The following PALM2AKAP2 variants were observed in gnomAD, a reference collection of about 807,000 sequenced individuals.
The protein encoded by PALM2AKAP2 is PALM2 and AKAP2 fusion.
PALM2AKAP2 carries 37 observed loss-of-function variants against 71.5 expected under a neutral mutation model. That is an observed-to-expected ratio of 0.52 (90% CI 0.40 to 0.68). The LOEUF (loss-of-function observed/expected upper bound fraction) is 0.68, where lower values mean the gene tolerates loss of function less well. Among genes scored for constraint, PALM2AKAP2 ranks in the 30% least tolerant of loss-of-function variants. The pLI is 0.00. For synonymous variants in PALM2AKAP2, 468 were observed against 478.8 expected, an observed-to-expected ratio of 0.98 and a Z score of 0.29; for missense variants, 1,224 against 1,191.8, an observed-to-expected ratio of 1.03 and a Z score of -0.40.
rs1390651424 is a variant in PALM2AKAP2 at position 109,982,728 on chromosome 9, G to GTT, written c.497-33226_497-33225insTT. The stretch of plus-strand genomic sequence containing the variant: ...CAGCCTAGAGCTCCAGGGCTCAAGA[G>GTT]ATTCACCAGCTTCAGCCTCCCAAGT... On this transcript the variant is annotated intron_variant, in intron 6 of 9. Coordinates refer to the PALM2AKAP2 transcript ENST00000302798. Among the ~76,000 whole-genome samples the GTT allele has an allele frequency of 1.5e-3, 223 of 152,334 alleles. 1 individual carries two copies. Among genetic ancestry groups the GTT allele is most frequent in the Admixed American group, 2.4e-3 (36 of 15,292 alleles).
intron 1 of PALM2AKAP2, among the ~76,000 whole-genome samples, chr9:109,772,568 TTTTCTGCGTG>T (rs1829285074): frequency 6.6e-6 from 1 of 152,218 alleles, no homozygotes; most frequent in Admixed American, 6.5e-5. Flanking sequence ...TGCTACACTC[TTTTCTGCGTG>T]TATTTAAGCT....
intron 1 of PALM2AKAP2, among the ~76,000 whole-genome samples, chr9:109,849,649 A>G (rs1231023132): frequency 6.6e-6 from 1 of 152,030 alleles, no homozygotes; most frequent in South Asian, 2.1e-4. Flanking sequence ...CCAGCTACTC[A>G]GGAGGCTGAG....
chr9:109,674,013 T>C (rs1447745750), intron 1 of PALM2AKAP2, among the ~76,000 whole-genome samples: 2 of 152,018 alleles, frequency 1.3e-5, no homozygotes, highest in African/African-American at 2.4e-5. Context: ...GGTGAGTCTC[T>C]TGAAGACAGA....
intron 1 of PALM2AKAP2, among the ~76,000 whole-genome samples, chr9:109,664,441 C>G (rs1206776514): frequency 6.6e-6 from 1 of 152,152 alleles, no homozygotes; most frequent in Non-Finnish European, 1.5e-5. Context: ...TTCTCATTCA[C>G]TTTTGAAGCT....
intron 1 of PALM2AKAP2, among the ~76,000 whole-genome samples, chr9:110,121,795 G>A (rs1382394679): frequency 6.6e-6 from 1 of 152,202 alleles, no homozygotes; most frequent in African/African-American, 2.4e-5. Context: ...CTCAGCAAAA[G>A]TATCACCTGG....
chr9:110,033,781 A>G (rs1833329738), intron 7 of PALM2AKAP2, among the ~76,000 whole-genome samples: 1 of 152,216 alleles, frequency 6.6e-6, no homozygotes, highest in Admixed American at 6.5e-5. Context: ...ACCTGATCTA[A>G]GACCACTGTA....
intron 6 of PALM2AKAP2, among the ~76,000 whole-genome samples, chr9:109,979,919 C>G (rs761414040): frequency 1.3e-5 from 2 of 152,206 alleles, no homozygotes; most frequent in Non-Finnish European, 2.9e-5. Context: ...GAATTAAACT[C>G]TCCCCCAGAC....
intron 1 of PALM2AKAP2, among the ~76,000 whole-genome samples, chr9:109,671,444 T>G (rs1827571162): frequency 6.6e-6 from 1 of 152,182 alleles, no homozygotes; most frequent in African/African-American, 2.4e-5. Flanking sequence ...GGTTCTGTAT[T>G]CTATTCCATT....
rs544423131 is a variant in PALM2AKAP2, at chr9:110,016,615, T to C, written c.582+576T>C. On this transcript the variant is annotated intron_variant, in intron 7 of 9. Transcript: ENST00000302798. ...ACTATCACTGTTCAAATTAAATGCA[T>C]CAATTTGTAAGCACTGGCCAGAATA... Among the ~76,000 whole-genome samples, 14 of 152,260 alleles carry C rather than the reference T, an allele frequency of 9.2e-5. No individual in the cohort carries two copies. The East Asian group carries it at 2.3e-3, about 25-fold the overall frequency.
At chr9:110,106,194 A>C (rs1207752890) in intron 1 of PALM2AKAP2, among the ~76,000 whole-genome samples, 1 of 152,196 alleles carries the variant, frequency 6.6e-6, no homozygotes, top group Non-Finnish European at 1.5e-5. Context: ...TGGGCCCATC[A>C]GGTTAGCCTT....
chr9:110,136,158 G>T, exon 2 of PALM2AKAP2: 1 of 1,598,136 alleles, frequency 6.3e-7, no homozygotes, highest in East Asian at 2.2e-5. Flanking sequence ...GATGATATCT[G>T]GCTAAAAAGC....
rs554397081 is a variant in PALM2AKAP2, at chr9:110,053,253, C to T, written c.156+4398C>T. Reference sequence around the variant, plus strand: ...AAGAGACATGTAACTGCGCCAGGCGCGGTGGCTTACACCTGTAATCCTGGC... The same window carrying T: ...AAGAGACATGTAACTGCGCCAGGCGTGGTGGCTTACACCTGTAATCCTGGC... On this transcript the variant is annotated intron_variant, in intron 1 of 3. Transcript: ENST00000374525. Among the ~76,000 whole-genome samples the T allele has an allele frequency of 1.2e-4, 19 of 152,186 alleles. No homozygotes were observed. In the East Asian group the frequency reaches 2.1e-3, roughly 17 times the overall value.
intron 6 of PALM2AKAP2, among the ~76,000 whole-genome samples, chr9:109,968,408 C>A (rs941790722): frequency 6.6e-6 from 1 of 152,194 alleles, no homozygotes; most frequent in African/African-American, 2.4e-5. Context: ...CTAAGCAGCT[C>A]TCTCTATTTC....
chr9:109,711,322 C>G (rs548705621), intron 1 of PALM2AKAP2, among the ~76,000 whole-genome samples: 1 of 152,194 alleles, frequency 6.6e-6, no homozygotes, highest in Admixed American at 6.5e-5. Context: ...TGTTGAAATA[C>G]AATATTAATA....
chr9:109,734,640 C>A (rs1024954041), intron 1 of PALM2AKAP2, among the ~76,000 whole-genome samples: 1 of 152,142 alleles, frequency 6.6e-6, no homozygotes. Flanking sequence ...GCAGGAGAGT[C>A]TCATCAAACA....
intron 1 of PALM2AKAP2, among the ~76,000 whole-genome samples, chr9:109,655,105 G>A (rs1827281026): frequency 6.6e-6 from 1 of 152,018 alleles, no homozygotes; most frequent in Admixed American, 6.6e-5. Context: ...CTGGCTGATG[G>A]TCTCAGGGTT....
At chr9:110,006,868 C>G (rs1664733012) in intron 6 of PALM2AKAP2, among the ~76,000 whole-genome samples, 1 of 152,098 alleles carries the variant, frequency 6.6e-6, no homozygotes, top group Non-Finnish European at 1.5e-5. Flanking sequence ...TTTCATCCTC[C>G]AGGTGGCCAC....
At chr9:110,013,065 TG>T (rs1201004867) in intron 6 of PALM2AKAP2, among the ~76,000 whole-genome samples, 1 of 152,210 alleles carries the variant, frequency 6.6e-6, no homozygotes, top group Non-Finnish European at 1.5e-5. Flanking sequence ...TGCAGTTGGC[TG>T]GGGCTTGGCT....
chr9:109,677,073 G>A (rs1391554919), intron 1 of PALM2AKAP2, among the ~76,000 whole-genome samples: 1 of 152,142 alleles, frequency 6.6e-6, no homozygotes, highest in African/African-American at 2.4e-5. Context: ...AAAATAAGGG[G>A]CAGTAGCTAG....
Sources: allele counts gnomAD v4.1 joint callset (sites outside exome capture counted in the v4.1 genomes callset), GRCh38; gene constraint gnomAD v4.1.1; transcripts MANE v1.5; gene names NCBI Gene and HGNC (gene_info 2026-07-23, HGNC 2026-07-21).